CACNB2: variants seen among roughly 807,000 people sequenced by gnomAD.
The protein encoded by CACNB2 is voltage-dependent L-type calcium channel subunit beta-2.
A neutral mutation model predicts 73.3 loss-of-function variants in CACNB2; 42 were observed. The ratio of observed to expected loss-of-function variants is 0.57; its 90% CI spans 0.45 to 0.74. The LOEUF is 0.74. Among genes scored for constraint, CACNB2 ranks in the 30% least tolerant of loss-of-function variants. The pLI is 0.00. For missense variants in CACNB2, 940 were observed against 853.0 expected (o/e 1.10, Z -1.27); for synonymous variants, 348 against 310.3 (o/e 1.12, Z -1.28).
intron 2 of CACNB2, among the ~76,000 whole-genome samples, chr10:18,288,490 A>G (rs1459935127): frequency 6.6e-6 from 1 of 152,180 alleles, no homozygotes; most frequent in African/African-American, 2.4e-5. Context: ...TGCTTTATTC[A>G]TCTTTGAGTA....
intron 2 of CACNB2, among the ~76,000 whole-genome samples, chr10:18,213,073 C>G (rs1324344166): frequency 6.6e-6 from 1 of 152,176 alleles, no homozygotes; most frequent in African/African-American, 2.4e-5. Context: ...AACCAGCATG[C>G]CACTTGTTGG....
intron 11 of CACNB2, among the ~76,000 whole-genome samples, chr10:18,534,919 C>A (rs1589746562): frequency 6.6e-6 from 1 of 152,266 alleles, no homozygotes; most frequent in African/African-American, 2.4e-5. Flanking sequence ...CAAAATAAGC[C>A]TGTCACTTAA....
intron 2 of CACNB2, among the ~76,000 whole-genome samples, chr10:18,394,612 G>A (rs1250154459): frequency 1.3e-5 from 2 of 152,150 alleles, no homozygotes; most frequent in Non-Finnish European, 1.5e-5. Context: ...GCTATGCAAT[G>A]AGTCCCCTGC....
At chr10:18,160,475 T>C (rs369225415) in intron 2 of CACNB2, among the ~76,000 whole-genome samples, 6 of 152,280 alleles carry the variant, frequency 3.9e-5, no homozygotes, top group African/African-American at 1.2e-4. Flanking sequence ...GGTTAAACCA[T>C]ATAAAGTCTT....
At chr10:18,443,707 C>T (rs565271767) in intron 3 of CACNB2, among the ~76,000 whole-genome samples, 2 of 144,796 alleles carry the variant, frequency 1.4e-5, no homozygotes, top group East Asian at 2.0e-4. Flanking sequence ...TGATTCAATT[C>T]CTACATACCT....
At chr10:18,192,986 A>G (rs1310495528) in intron 2 of CACNB2, among the ~76,000 whole-genome samples, 2 of 152,184 alleles carry the variant, frequency 1.3e-5, no homozygotes, top group Non-Finnish European at 2.9e-5. Flanking sequence ...CCCTGTTTTC[A>G]ATCCTTTTGG....
At chr10:18,273,368 CAAAACAAAACA>C (rs967970407) in intron 2 of CACNB2, among the ~76,000 whole-genome samples, 8 of 147,282 alleles carry the variant, frequency 5.4e-5, no homozygotes, top group South Asian at 4.3e-4. Flanking sequence ...TTCCAGAAAA[CAAAACAAAACA>C]AAAACAAAAC....
chr10:18,492,559 T>C (rs2049502734), intron 3 of CACNB2, among the ~76,000 whole-genome samples: 1 of 136,924 alleles, frequency 7.3e-6, no homozygotes, highest in African/African-American at 2.8e-5. Context: ...AGGCAGAGAT[T>C]GCAGTGCGCC....
intron 9 of CACNB2, among the ~76,000 whole-genome samples, chr10:18,521,040 C>T (rs891652932): frequency 5.9e-5 from 9 of 152,216 alleles, no homozygotes; most frequent in African/African-American, 2.2e-4. Flanking sequence ...GAGCAGTACT[C>T]AACATGAGCA....
intron 2 of CACNB2, among the ~76,000 whole-genome samples, chr10:18,220,132 TATATATATATATATATATATATAC>T (rs1424272666): frequency 3.3e-4 from 12 of 36,842 alleles, no homozygotes; most frequent in South Asian, 7.6e-4. Context: ...TATATATATA[TATATATATATATATATATATATAC>T]ACACACACAC....
At chr10:18,304,777 TG>T (rs2131851048) in intron 2 of CACNB2, among the ~76,000 whole-genome samples, 1 of 152,368 alleles carries the variant, frequency 6.6e-6, no homozygotes, top group South Asian at 2.1e-4. Context: ...ACTTACGGTT[TG>T]TGGGATAACA....
intron 2 of CACNB2, among the ~76,000 whole-genome samples, chr10:18,338,675 CTCCTTCCTTCCTTCCT>C (rs753610343): frequency 1.3e-4 from 18 of 134,166 alleles, no homozygotes; most frequent in Non-Finnish European, 2.2e-4. Context: ...TTTTTTCTCT[CTCCTTCCTTCCTTCCT>C]TCCTTCCTTC....
chr10:18,140,860 G>A lies in CACNB2; in HGVS notation c.120+4G>A. ...GGCGCTCGGAGCCGCCGCACAGGTA[G>A]CGAGAGCGCGGCGCCTTCTCCTTCC... On this transcript the variant is annotated splice_donor_region_variant and intron_variant, in intron 1 of 13. Transcript: ENST00000324631. The A allele has an allele frequency of 3.8e-6, 6 of 1,595,274 alleles. No individual in the cohort carries two copies. Among genetic ancestry groups the A allele is most frequent in the Non-Finnish European group, 5.1e-6 (6 of 1,173,080 alleles).
At chr10:18,387,418 C>T (rs994159213) in intron 2 of CACNB2, among the ~76,000 whole-genome samples, 7 of 152,114 alleles carry the variant, frequency 4.6e-5, no homozygotes, top group African/African-American at 1.4e-4. Flanking sequence ...CTTCTTCTTC[C>T]CTCATGTCCA....
intron 2 of CACNB2, among the ~76,000 whole-genome samples, chr10:18,244,347 A>T (rs753761829): frequency 2.6e-5 from 4 of 152,228 alleles, no homozygotes; most frequent in African/African-American, 9.6e-5. Flanking sequence ...TAAAAACATC[A>T]TTTAAAAACT....
chr10:18,184,454 T>C (rs140836479), intron 2 of CACNB2, among the ~76,000 whole-genome samples: 3,577 of 152,304 alleles, frequency 0.023, 55 homozygotes, highest in Middle Eastern at 0.1. Context: ...ACATCTTGTA[T>C]AAGTATGGTA....
rs539418444 is a variant in CACNB2, at chr10:18,542,614, G to C, written c.*2890G>C. On this transcript the variant is annotated 3_prime_UTR_variant, in exon 14 of 14. Coordinates refer to ENST00000324631, the MANE Select transcript of CACNB2 (RefSeq NM_201596.3). ...TTGCACTTTACTGTAGAACATATTA[G>C]TGCAAATCAGAATATTCCTCAAAGA... 3 of 152,220 alleles carry C rather than the reference G, an allele frequency of 2.0e-5. No homozygotes were observed. Among genetic ancestry groups the C allele is most frequent in the South Asian group, 2.1e-4 (1 of 4,832 alleles). The allele number at this position is 152,220 out of a possible 1,614,324, so 9.4% of individuals were successfully genotyped here.
chr10:18,253,995 A>G (rs1400130551), intron 2 of CACNB2, among the ~76,000 whole-genome samples: 1 of 152,194 alleles, frequency 6.6e-6, no homozygotes, highest in Non-Finnish European at 1.5e-5. Context: ...AAGCTGAGGG[A>G]TATAGGTTGA....
chr10:18,202,084 C>T (rs77143644), intron 2 of CACNB2, among the ~76,000 whole-genome samples: 2,573 of 152,280 alleles, frequency 0.017, 67 homozygotes, highest in African/African-American at 0.056. Flanking sequence ...AGACAGTTCC[C>T]TATTTTGGTG....
Sources: allele counts gnomAD v4.1 joint callset (sites outside exome capture counted in the v4.1 genomes callset), GRCh38; gene constraint gnomAD v4.1.1; transcripts MANE v1.5; gene names NCBI Gene and HGNC (gene_info 2026-07-23, HGNC 2026-07-21).